XG: variants seen among roughly 807,000 people sequenced by gnomAD.
The protein encoded by XG is Xg glycoprotein (Xg blood group).
A neutral mutation model predicts 25.7 loss-of-function variants in XG; 24 were observed. The ratio of observed to expected loss-of-function variants is 0.93; its 90% CI spans 0.68 to 1.31. XG has a LOEUF of 1.31. Among genes scored for constraint, XG ranks in the 40% most tolerant of loss-of-function variants. The pLI is 0.00. For synonymous variants in XG, 77 were observed against 69.2 expected (o/e 1.11, Z -0.56); for missense variants, 181 against 187.6 (o/e 0.96, Z 0.21).
chrX:2,809,771 C>G (rs1276228765), intron 9 of XG, among the ~76,000 whole-genome samples: 1 of 111,723 alleles, frequency 9.0e-6, no homozygotes, highest in Admixed American at 9.5e-5. Flanking sequence ...TCTTATGTAT[C>G]TGGGACTTTA....
intron 3 of XG, among the ~76,000 whole-genome samples, chrX:2,778,288 A>G (rs2051044588): frequency 1.3e-5 from 2 of 152,230 alleles, no homozygotes; most frequent in African/African-American, 2.4e-5. Context: ...CACGCCTGTA[A>G]TCCCAGAACT....
intron 3 of XG, chrX:2,775,137 A>C: frequency 4.7e-6 from 1 of 211,042 alleles, no homozygotes; most frequent in Non-Finnish European, 9.7e-6. Context: ...TGTACTCAAA[A>C]TAATTGAAAA....
At chrX:2,798,799 C>T (rs965686783) in intron 7 of XG, among the ~76,000 whole-genome samples, 3 of 111,477 alleles carry the variant, frequency 2.7e-5, no homozygotes, top group Non-Finnish European at 5.6e-5. Context: ...AGCCACCATG[C>T]CCGGCCTTGA....
chrX:2,806,987 T>A (rs779183278), intron 8 of XG, among the ~76,000 whole-genome samples: 2 of 88,296 alleles, frequency 2.3e-5, no homozygotes, highest in South Asian at 1.1e-3. Flanking sequence ...TGGGTGCATG[T>A]GTGTGCACGT....
At chrX:2,778,379 C>T (rs968986057) in intron 3 of XG, among the ~76,000 whole-genome samples, 15 of 151,808 alleles carry the variant, frequency 9.9e-5, no homozygotes, top group African/African-American at 3.4e-4. Flanking sequence ...CCCATCTTTA[C>T]AAAAAAATTA....
intron 1 of XG, among the ~76,000 whole-genome samples, chrX:2,758,351 G>A (rs753694141): frequency 1.3e-5 from 2 of 152,270 alleles, no homozygotes; most frequent in South Asian, 2.1e-4. Flanking sequence ...GCAGGTGTGG[G>A]TCAGGCATTT....
At chrX:2,770,167 A>C (rs2050785724) in intron 1 of XG, among the ~76,000 whole-genome samples, 2 of 152,326 alleles carry the variant, frequency 1.3e-5, no homozygotes, top group South Asian at 4.1e-4. Flanking sequence ...ACAGGTTGCA[A>C]CGTGAACGCA....
intron 7 of XG, among the ~76,000 whole-genome samples, chrX:2,805,846 C>T (rs2086992034): frequency 9.0e-6 from 1 of 111,639 alleles, no homozygotes; most frequent in Non-Finnish European, 1.9e-5. Flanking sequence ...CAGTCACAGT[C>T]TGATGCCCTG....
intron 1 of XG, among the ~76,000 whole-genome samples, chrX:2,754,509 T>C (rs2050394305): frequency 6.6e-6 from 1 of 152,170 alleles, no homozygotes; most frequent in African/African-American, 2.4e-5. Flanking sequence ...TGATGTCATT[T>C]TACAGATGGT....
In XG at chrX:2,772,600, G is replaced by C. The variant is rs184720580; in HGVS notation, c.103+2009G>C. On this transcript the variant is annotated intron_variant, in intron 2 of 10. Transcript: ENST00000644266. ...GCTCGTGGCTATGGGGTCTCCTTTTGGGGGGATGAAACTGTTCTGGAACTA... is the reference window on the plus strand; with the variant it reads ...GCTCGTGGCTATGGGGTCTCCTTTTCGGGGGATGAAACTGTTCTGGAACTA... Among the ~76,000 whole-genome samples, 69 of 152,242 alleles carry C rather than the reference G, an allele frequency of 4.5e-4. No homozygotes were observed. In the East Asian group the frequency reaches 0.013, roughly 28 times the overall value.
intron 7 of XG, among the ~76,000 whole-genome samples, chrX:2,801,006 A>G (rs908342530): frequency 5.6e-5 from 6 of 107,931 alleles, no homozygotes; most frequent in African/African-American, 1.0e-4. Flanking sequence ...AAAGGACACT[A>G]AAAAAGAATT....
At chrX:2,769,221 C>T (rs1445887675) in intron 1 of XG, among the ~76,000 whole-genome samples, 2 of 152,204 alleles carry the variant, frequency 1.3e-5, no homozygotes, top group East Asian at 1.9e-4. Context: ...CCAGAGCAAG[C>T]GTCACCGAGG....
intron 1 of XG, among the ~76,000 whole-genome samples, chrX:2,769,237 C>T (rs750477719): frequency 2.6e-5 from 4 of 152,292 alleles, no homozygotes; most frequent in South Asian, 2.1e-4. Flanking sequence ...CGAGGCAGAC[C>T]GATTTTTGGG....
chrX:2,757,099 G>A (rs1052187667), intron 1 of XG, among the ~76,000 whole-genome samples: 2 of 152,076 alleles, frequency 1.3e-5, no homozygotes, highest in African/African-American at 2.4e-5. Flanking sequence ...GGGATGGAGT[G>A]GGCAGATGAT....
chrX:2,773,885 C>A (rs1256958248), intron 2 of XG, among the ~76,000 whole-genome samples: 1 of 151,416 alleles, frequency 6.6e-6, no homozygotes, highest in African/African-American at 2.4e-5. Context: ...AGGGAGGTGG[C>A]AGGAAGGAGA....
chrX:2,768,683 G>C (rs1363880762), intron 1 of XG, among the ~76,000 whole-genome samples: 1 of 152,176 alleles, frequency 6.6e-6, no homozygotes, highest in Non-Finnish European at 1.5e-5. Context: ...CACAAGAATC[G>C]TTTGAACCCA....
chrX:2,793,579 C>T (rs2086856300), intron 5 of XG, among the ~76,000 whole-genome samples: 1 of 112,200 alleles, frequency 8.9e-6, no homozygotes, highest in Non-Finnish European at 1.9e-5. Flanking sequence ...CTCTGCCTTG[C>T]AGGTGCCTCT....
intron 10 of XG, among the ~76,000 whole-genome samples, chrX:2,812,706 T>A (rs990601474): frequency 8.9e-5 from 10 of 111,932 alleles, no homozygotes; most frequent in Non-Finnish European, 1.9e-4. Context: ...AAACTGAGTT[T>A]CTGAAAAACT....
At chrX:2,774,592 A>G (rs2050933316) in intron 2 of XG, 124 bp from the exon 3 acceptor site, 1 of 1,051,602 alleles carries the variant, frequency 9.5e-7, no homozygotes, top group African/African-American at 1.6e-5. Context: ...TTGTGTCTAT[A>G]TCATTTACTT....
Sources: allele counts gnomAD v4.1 joint callset (sites outside exome capture counted in the v4.1 genomes callset), GRCh38; gene constraint gnomAD v4.1.1; transcripts MANE v1.5; gene names NCBI Gene and HGNC (gene_info 2026-07-23, HGNC 2026-07-21).